ERC1: variants seen among roughly 807,000 people sequenced by gnomAD.
The protein encoded by ERC1 is ELKS/RAB6-interacting/CAST family member 1, also known as RAB6 interacting protein 2.
ERC1 carries 56 observed loss-of-function variants against 132.0 expected under a neutral mutation model. The ratio of observed to expected loss-of-function variants is 0.42; its 90% confidence interval spans 0.34 to 0.53. ERC1 has a LOEUF of 0.53. Ranked by LOEUF, ERC1 falls within the 20% of genes least tolerant of loss-of-function variation. The pLI is 0.03. For synonymous variants in ERC1, 478 were observed against 476.1 expected (o/e 1.00, Z -0.05); for missense variants, 1,202 against 1,349.9 (o/e 0.89, Z 1.72).
At chr12:1,185,779 G>C (rs1217028515) in intron 11 of ERC1, among the ~76,000 whole-genome samples, 1 of 151,094 alleles carries the variant, frequency 6.6e-6, no homozygotes, top group South Asian at 2.1e-4. Context: ...AAATAGAAAG[G>C]CTTCTCTAAG....
intron 8 of ERC1, among the ~76,000 whole-genome samples, chr12:1,150,403 A>G (rs929417515): frequency 2.6e-5 from 4 of 152,248 alleles, no homozygotes; most frequent in Non-Finnish European, 5.9e-5. Context: ...AAAGTTATTT[A>G]CAACTCTTTT....
chr12:1,263,012 C>T, intron 13 of ERC1, 22 bp from the exon 14 acceptor site: 2 of 1,612,504 alleles, frequency 1.2e-6, no homozygotes, highest in African/African-American at 1.3e-5. Flanking sequence ...TCCACTTCAC[C>T]TAGTCTTCCA....
chr12:1,361,913 T>C (rs7311231), intron 15 of ERC1, among the ~76,000 whole-genome samples: 71,055 of 152,016 alleles, frequency 0.47, 17,869 homozygotes, highest in African/African-American at 0.65. Context: ...GAATTTTATT[T>C]AAAATATTCA....
At chr12:1,221,531 A>C (rs1292136156) in intron 12 of ERC1, among the ~76,000 whole-genome samples, 3 of 152,236 alleles carry the variant, frequency 2.0e-5, no homozygotes, top group Non-Finnish European at 4.4e-5. Context: ...AGTAATTAAC[A>C]CTTTTACGTT....
chr12:1,221,832 G>A (rs1474573889), intron 12 of ERC1, among the ~76,000 whole-genome samples: 3 of 152,112 alleles, frequency 2.0e-5, no homozygotes, highest in Non-Finnish European at 4.4e-5. Flanking sequence ...GGTAAAATGA[G>A]AGAGAGTGTG....
chr12:1,040,703 CT>C (rs982391048), intron 2 of ERC1, among the ~76,000 whole-genome samples: 1 of 152,098 alleles, frequency 6.6e-6, no homozygotes, highest in African/African-American at 2.4e-5. Context: ...TTACTGAACC[CT>C]TTCCCCCTTT....
At chr12:1,018,278 T>G (rs1965825912) in intron 1 of ERC1, among the ~76,000 whole-genome samples, 1 of 152,208 alleles carries the variant, frequency 6.6e-6, no homozygotes, top group African/African-American at 2.4e-5. Flanking sequence ...CTCAGCTCAC[T>G]GCAACTTCCA....
At chr12:1,093,335 T>C (rs1030745149) in intron 3 of ERC1, among the ~76,000 whole-genome samples, 13 of 152,238 alleles carry the variant, frequency 8.5e-5, no homozygotes, top group African/African-American at 3.1e-4. Flanking sequence ...TTCATTTGAC[T>C]GTTAGAAGAG....
At chr12:1,437,282 G>C (rs2092975762) in intron 17 of ERC1, among the ~76,000 whole-genome samples, 2 of 152,248 alleles carry the variant, frequency 1.3e-5, no homozygotes, top group Admixed American at 1.3e-4. Context: ...TGTAATAATA[G>C]CTTCTGTGCC....
chr12:1,047,896 A>T (rs1200306712), intron 2 of ERC1, among the ~76,000 whole-genome samples: 5 of 151,984 alleles, frequency 3.3e-5, no homozygotes, highest in Non-Finnish European at 5.9e-5. Flanking sequence ...ATTTTACCTT[A>T]TTCAAGGTGA....
At chr12:1,351,147 A>G (rs74057152) in intron 15 of ERC1, among the ~76,000 whole-genome samples, 4,084 of 152,284 alleles carry the variant, frequency 0.027, 191 homozygotes, top group African/African-American at 0.094. Context: ...TCCACACCAT[A>G]GTGATATCCT....
At chr12:1,192,807 T>A (rs1167157052) in intron 12 of ERC1, among the ~76,000 whole-genome samples, 1 of 152,242 alleles carries the variant, frequency 6.6e-6, no homozygotes, top group Non-Finnish European at 1.5e-5. Context: ...AAAGAACAGC[T>A]GATTATATGT....
chr12:1,481,480 G>A (rs940608488), intron 18 of ERC1, among the ~76,000 whole-genome samples: 3 of 152,202 alleles, frequency 2.0e-5, no homozygotes, highest in Admixed American at 1.3e-4. Flanking sequence ...AAGAGAAGTT[G>A]ATCCTTGAGA....
At chr12:1,357,757 A>T (rs867635611) in intron 15 of ERC1, among the ~76,000 whole-genome samples, 8 of 152,222 alleles carry the variant, frequency 5.3e-5, no homozygotes, top group South Asian at 4.1e-4. Context: ...AGAAAAGGCC[A>T]ATATAAATCT....
chr12:1,021,694 G>A (rs1486617945), intron 1 of ERC1, among the ~76,000 whole-genome samples: 2 of 141,504 alleles, frequency 1.4e-5, no homozygotes, highest in Non-Finnish European at 3.1e-5. Context: ...ACAAGACTCC[G>A]TCTCAAAAAA....
intron 16 of ERC1, among the ~76,000 whole-genome samples, chr12:1,406,726 A>G (rs2154394026): frequency 6.6e-6 from 1 of 152,234 alleles, no homozygotes; most frequent in Non-Finnish European, 1.5e-5. Flanking sequence ...TTTTTTAATT[A>G]GCTGGGTGTG....
At chr12:1,125,494 A>T (rs1018944181) in intron 7 of ERC1, among the ~76,000 whole-genome samples, 1 of 152,180 alleles carries the variant, frequency 6.6e-6, no homozygotes, top group South Asian at 2.1e-4. Context: ...AAGTTAATGT[A>T]TATATTCTTC....
intron 1 of ERC1, 111 bp downstream of exon 1, chr12:991,433 G>A (rs1353590868): frequency 6.5e-6 from 1 of 153,116 alleles, no homozygotes; most frequent in African/African-American, 2.4e-5. Context: ...TCTTGCTCAC[G>A]GCCCGGGCTG....
At chr12:1,286,293 C>CAAAAAAA (rs71293127) in intron 14 of ERC1, among the ~76,000 whole-genome samples, 4 of 81,216 alleles carry the variant, frequency 4.9e-5, no homozygotes, top group Non-Finnish European at 7.0e-5. Context: ...GACTCCATCT[C>CAAAAAAA]AAAAAAAAAA....
Sources: allele counts gnomAD v4.1 joint callset (sites outside exome capture counted in the v4.1 genomes callset), GRCh38; gene constraint gnomAD v4.1.1; transcripts MANE v1.5; gene names NCBI Gene and HGNC (gene_info 2026-07-23, HGNC 2026-07-21).